The following ZZEF1 variants were observed in gnomAD, a reference collection of about 807,000 sequenced individuals.
ZZEF1 encodes zinc finger ZZ-type and EF-hand domain containing 1.
A neutral mutation model predicts 342.8 loss-of-function variants in ZZEF1; 157 were observed. The observed-to-expected ratio is 0.46, with a 90% CI of 0.40 to 0.52. The LOEUF (loss-of-function observed/expected upper bound fraction) is 0.52. Ranked by LOEUF, ZZEF1 falls within the 20% of genes least tolerant of loss-of-function variation. The pLI, the probability that ZZEF1 is intolerant of heterozygous loss-of-function variation, is 0.00. For synonymous variants in ZZEF1, 1,505 were observed against 1,429.1 expected (o/e 1.05, Z -1.20); for missense variants, 3,480 against 3,725.6 (o/e 0.93, Z 1.72).
At chr17:4,074,564 T>TG (rs2057572312) in intron 23 of ZZEF1, among the ~76,000 whole-genome samples, 1 of 152,210 alleles carries the variant, frequency 6.6e-6, no homozygotes, top group African/African-American at 2.4e-5. Context: ...AGAATACTGC[T>TG]GCTCAGCTTT....
intron 39 of ZZEF1, among the ~76,000 whole-genome samples, chr17:4,040,126 CTA>C (rs1350066391): frequency 6.6e-6 from 1 of 152,152 alleles, no homozygotes; most frequent in Non-Finnish European, 1.5e-5. Flanking sequence ...TGGTGGAAGA[CTA>C]TGCAGCAATG....
Position 4,088,908 on chromosome 17 carries a change from A to C in ZZEF1, c.2026-15T>G. 6.2e-7 allele frequency: 1 copy of C among 1,612,352 alleles called. No homozygotes were observed. The highest frequency in any genetic ancestry group is 8.5e-7 in the Non-Finnish European group (1 of 1,179,110). On this transcript the variant is annotated splice_polypyrimidine_tract_variant and intron_variant, in intron 12 of 54. Coordinates refer to ENST00000381638, the MANE Select transcript of ZZEF1 (RefSeq NM_015113.4). ...ACCATCAAATACTGGACAGGACAAG[A>C]GAGATTTCAATAGAAGAACTCAGAA...
At position 4,017,574 on chromosome 17, in the gene ZZEF1, T is replaced by TA. The variant is rs752527166; in HGVS notation, c.7797dup (p.Lys2600Ter). ...AAGAGGTAGTCCCGGACAGCCCTCT[T>TA]ACTCTTGCAGTTCAGCTCCTTGTGC... On this transcript the variant is annotated frameshift_variant, in exon 48 of 55. Transcript: ENST00000381638. LOFTEE classifies it high-confidence loss of function. The surrounding 1 kb of genome is among the most constrained non-coding windows in gnomAD (Gnocchi z 5.1). 3 of 1,614,246 alleles carry TA rather than the reference T, an allele frequency of 1.9e-6. No homozygotes were observed. Among genetic ancestry groups the TA allele is most frequent in the Non-Finnish European group, 2.5e-6 (3 of 1,180,034 alleles).
In ZZEF1 at chr17:4,088,843, C is replaced by T. The variant is rs1053475009; in HGVS notation, c.2076G>A (p.Leu692=). 4 of 1,614,190 alleles carry T rather than the reference C, an allele frequency of 2.5e-6. No individual in the cohort carries two copies. The highest frequency in any genetic ancestry group is 3.4e-6 in the Non-Finnish European group (4 of 1,180,038). ...CACTGATGGTCAAGCCTTGCACTCC[C>T]AAGCGCTCTGCTGACTCCTGACGGG... ...LCTRQESAER[L]GVQGLTISGY... The change falls in exon 13 of 55, where the codon TTG becomes TTA. Residue 692 remains leucine (L), a synonymous_variant. Transcript: ENST00000381638.
In ZZEF1 at chr17:4,017,814, G is replaced by A; in HGVS notation, c.7641+22C>T. 1 of 1,614,066 alleles carries A rather than the reference G, an allele frequency of 6.2e-7. No individual in the cohort carries two copies. The highest frequency in any genetic ancestry group is 8.5e-7 in the Non-Finnish European group (1 of 1,180,026). On this transcript the variant is annotated intron_variant, in intron 47 of 54. Transcript: ENST00000381638. The surrounding 1 kb of genome is among the most constrained non-coding windows in gnomAD (Gnocchi z 5.1). ...TGGGGGATGGGGTGCAGATACTTTG[G>A]GTCCGAGGTCGGGTGACATACCAAG...
chr17:4,086,552 T>C lies in ZZEF1; in HGVS notation c.2446A>G (p.Lys816Glu), dbSNP rs1188440849. Residue 816 changes from lysine to glutamate, a missense_variant, in exon 15 of 55, where the codon AAG becomes GAG. Transcript: ENST00000381638. Reference protein sequence around the residue: ...GDVLAASEEEKAPIQSPKGVE... With the variant: ...GDVLAASEEEEAPIQSPKGVE... ...CCTTTAGGGCTTTGGATTGGAGCCTTTTCCTCCTCAGAAGCAGCCAGTACA... is the reference window on the plus strand; with the variant it reads ...CCTTTAGGGCTTTGGATTGGAGCCTCTTCCTCCTCAGAAGCAGCCAGTACA... 3.1e-6 allele frequency: 5 copies of C among 1,614,154 alleles called. No individual in the cohort carries two copies. Among genetic ancestry groups the C allele is most frequent in the Non-Finnish European group, 4.2e-6 (5 of 1,180,014 alleles).
At position 4,039,894 on chromosome 17, in the gene ZZEF1, T is replaced by C. The variant is rs188712124; in HGVS notation, c.6306+2535A>G. Reference sequence around the variant, plus strand: ...CTCCTGACCTCATGATCTGCCCGCCTTGGCCTCCCAAAGTGCTGGGATTAC... The same window carrying C: ...CTCCTGACCTCATGATCTGCCCGCCCTGGCCTCCCAAAGTGCTGGGATTAC... On this transcript the variant is annotated intron_variant, in intron 39 of 54. Transcript: ENST00000381638. 1.8e-4 allele frequency among the ~76,000 whole-genome samples: 27 copies of C among 152,198 alleles called. 1 individual carries two copies. Among genetic ancestry groups the C allele is most frequent in the African/African-American group, 5.5e-4 (23 of 41,490 alleles).
chr17:4,045,627 G>T (rs2056896836), intron 37 of ZZEF1, among the ~76,000 whole-genome samples: 1 of 152,012 alleles, frequency 6.6e-6, no homozygotes, highest in Admixed American at 6.6e-5. Context: ...CAGAGTTGTG[G>T]GTTGTATATA....
intron 8 of ZZEF1, among the ~76,000 whole-genome samples, chr17:4,104,035 C>T (rs891083327): frequency 6.6e-6 from 1 of 152,204 alleles, no homozygotes; most frequent in African/African-American, 2.4e-5. Flanking sequence ...TGCTGCACTG[C>T]AGTCTTTTGG....
chr17:4,091,172 A>G (rs755111219), intron 11 of ZZEF1, among the ~76,000 whole-genome samples: 9 of 152,188 alleles, frequency 5.9e-5, no homozygotes, highest in Non-Finnish European at 1.0e-4. Context: ...GTGCTTCTGG[A>G]AAGTGCCAGA....
chr17:4,142,979 C>G lies in ZZEF1; in HGVS notation c.-84G>C. On this transcript the variant is annotated 5_prime_UTR_variant, in exon 1 of 55. Transcript: ENST00000381638. Reference sequence around the variant, plus strand: ...CCTGTCAACCTCCGACAGCAGCTGGCGGGCGGGGACGCGGAGGAGACGACG... The same window carrying G: ...CCTGTCAACCTCCGACAGCAGCTGGGGGGCGGGGACGCGGAGGAGACGACG... 2.4e-6 allele frequency: 3 copies of G among 1,261,648 alleles called. No homozygotes were observed. Among genetic ancestry groups the G allele is most frequent in the Non-Finnish European group, 3.0e-6 (3 of 1,007,390 alleles). 78.2% of individuals were successfully genotyped at this position (1,261,648 alleles called of 1,614,324 possible).
At chr17:4,128,758 G>A (rs1201599984) in intron 1 of ZZEF1, among the ~76,000 whole-genome samples, 1 of 143,028 alleles carries the variant, frequency 7.0e-6, no homozygotes, top group African/African-American at 2.6e-5. Flanking sequence ...TACTGCGCCT[G>A]GCCAAAATCA....
intron 52 of ZZEF1, among the ~76,000 whole-genome samples, chr17:4,012,870 A>G (rs981450695): frequency 6.6e-6 from 1 of 152,236 alleles, no homozygotes; most frequent in African/African-American, 2.4e-5. Context: ...TATCAAAAAC[A>G]TTAAATACCT....
At chr17:4,100,286 C>T (rs1046040135) in intron 9 of ZZEF1, among the ~76,000 whole-genome samples, 1 of 152,186 alleles carries the variant, frequency 6.6e-6, no homozygotes, top group Non-Finnish European at 1.5e-5. Flanking sequence ...GAGAGACCGA[C>T]ATCAACCCTG....
intron 16 of ZZEF1, 35 bp downstream of exon 16, chr17:4,085,635 T>A (rs774268573): frequency 6.8e-6 from 11 of 1,611,626 alleles, no homozygotes; most frequent in Middle Eastern, 1.6e-4. Flanking sequence ...CTCACAGACT[T>A]CAGACATTGA....
In ZZEF1 at chr17:4,019,769, T is replaced by C. The variant is rs781522156; in HGVS notation, c.7405A>G (p.Met2469Val). 6.2e-7 allele frequency: 1 copy of C among 1,606,244 alleles called. No individual in the cohort carries two copies. Among genetic ancestry groups the C allele is most frequent in the Non-Finnish European group, 8.5e-7 (1 of 1,177,616 alleles). The change falls in exon 46 of 55, where the codon ATG (methionine) becomes GTG (valine). Residue 2469 changes from methionine (M) to valine (V), a missense_variant and splice_region_variant. Transcript: ENST00000381638. ...GGGGCATTGAGGGCATCATGAGCCA[T>C]CTGGAGGCCAGGGGAGGACGCAGAC... Reference protein sequence around the residue: ...LDEPTRICFLMAHDALNAPLH... With the variant: ...LDEPTRICFLVAHDALNAPLH...
intron 1 of ZZEF1, among the ~76,000 whole-genome samples, chr17:4,132,542 C>CA (rs1436101622): frequency 4.6e-5 from 7 of 152,002 alleles, no homozygotes; most frequent in Admixed American, 2.6e-4. Context: ...ACTAAAAATA[C>CA]AAAAAATTAG....
intron 44 of ZZEF1, among the ~76,000 whole-genome samples, chr17:4,021,995 T>C (rs1259046603): frequency 9.2e-5 from 14 of 152,112 alleles, no homozygotes; most frequent in Admixed American, 9.2e-4. Context: ...AATTTTAATT[T>C]AAAATATTCT....
At chr17:4,028,343 T>C (rs1440323749) in intron 42 of ZZEF1, among the ~76,000 whole-genome samples, 1 of 150,872 alleles carries the variant, frequency 6.6e-6, no homozygotes, top group African/African-American at 2.4e-5. Flanking sequence ...GACTCAGGAG[T>C]TCAAGACCAG....
Sources: allele counts gnomAD v4.1 joint callset (sites outside exome capture counted in the v4.1 genomes callset), GRCh38; gene constraint gnomAD v4.1.1; non-coding constraint Gnocchi (gnomAD v3.1); transcripts MANE v1.5; gene names NCBI Gene and HGNC (gene_info 2026-07-23, HGNC 2026-07-21).